The following MAPK10 variants were observed in gnomAD, a reference collection of about 807,000 sequenced individuals.
The protein encoded by MAPK10 is JNK3 alpha protein kinase.
In MAPK10, 25 loss-of-function variants were observed where a neutral mutation model predicts 59.3. That is an observed-to-expected ratio of 0.42 (90% CI 0.31 to 0.59). MAPK10 has a LOEUF of 0.59. MAPK10 is among the 20% of genes least tolerant of loss of function. The probability of loss-of-function intolerance (pLI) is 0.15; values close to 1 mark genes in which losing one functional copy is unlikely to be tolerated. For synonymous variants in MAPK10, 190 were observed against 200.5 expected (o/e 0.95, Z 0.44); for missense variants, 351 against 568.9 (o/e 0.62, Z 3.90).
At chr4:86,587,608 G>T (rs759599552) in intron 1 of MAPK10, among the ~76,000 whole-genome samples, 1 of 152,174 alleles carries the variant, frequency 6.6e-6, no homozygotes, top group Non-Finnish European at 1.5e-5. Flanking sequence ...AGCAAGAAAG[G>T]ATAATATGCT....
At chr4:86,172,051 A>G (rs368617143) in intron 3 of MAPK10, among the ~76,000 whole-genome samples, 2 of 139,234 alleles carry the variant, frequency 1.4e-5, no homozygotes, top group Non-Finnish European at 3.0e-5. Flanking sequence ...TTAGAATGGC[A>G]ATCATTAAAA....
rs560469174 is a variant in MAPK10 at position 86,425,071 on chromosome 4, T to C, written c.-122+27959A>G. 6.6e-5 allele frequency among the ~76,000 whole-genome samples: 10 copies of C among 152,050 alleles called. No individual in the cohort carries two copies. The East Asian group carries it at 1.7e-3, about 27-fold the overall frequency. ...GGAAGAAGTATAACCAGCAAGGAGA[T>C]AGAGGAGTGACAGAGGCAGAAAGGC... On this transcript the variant is annotated intron_variant, in intron 1 of 13. Coordinates refer to the MAPK10 transcript ENST00000361569.
intron 2 of MAPK10, among the ~76,000 whole-genome samples, chr4:86,325,051 G>C (rs2095991396): frequency 1.3e-5 from 2 of 152,264 alleles, no homozygotes; most frequent in Middle Eastern, 3.4e-3. Context: ...TTTCAATTTA[G>C]TTTCTAATTT....
At chr4:86,250,695 TA>T (rs1563594345) in intron 2 of MAPK10, among the ~76,000 whole-genome samples, 1 of 152,092 alleles carries the variant, frequency 6.6e-6, no homozygotes, top group Non-Finnish European at 1.5e-5. Context: ...TAAAAAAAAG[TA>T]AACCACATAG....
chr4:86,051,981 G>T (rs2043631835), intron 11 of MAPK10, among the ~76,000 whole-genome samples: 1 of 151,848 alleles, frequency 6.6e-6, no homozygotes, highest in African/African-American at 2.4e-5. Flanking sequence ...CATAAGAAAA[G>T]AACTAGCTAC....
intron 1 of MAPK10, among the ~76,000 whole-genome samples, chr4:86,447,860 T>C (rs1345142525): frequency 6.6e-6 from 1 of 152,218 alleles, no homozygotes; most frequent in Non-Finnish European, 1.5e-5. Context: ...TAATTCTTTC[T>C]TTTTTACACC....
intron 1 of MAPK10, chr4:86,429,938 T>C (rs1324914343): frequency 1.3e-5 from 2 of 152,144 alleles, no homozygotes; most frequent in Admixed American, 6.5e-5. Flanking sequence ...GATTCTCTAA[T>C]ACTGTAATAT....
intron 1 of MAPK10, among the ~76,000 whole-genome samples, chr4:86,468,105 C>T (rs1752366036): frequency 6.6e-6 from 1 of 152,200 alleles, no homozygotes; most frequent in African/African-American, 2.4e-5. Flanking sequence ...GGTCAGCCTA[C>T]AACTCCTCCT....
chr4:86,293,715 G>A (rs932053333), intron 2 of MAPK10, among the ~76,000 whole-genome samples: 4 of 152,112 alleles, frequency 2.6e-5, no homozygotes, highest in African/African-American at 9.7e-5. Context: ...GGCAAAGGGG[G>A]AGCAGGCGTT....
At chr4:86,290,851 A>G (rs1033223955) in intron 2 of MAPK10, among the ~76,000 whole-genome samples, 1 of 152,194 alleles carries the variant, frequency 6.6e-6, no homozygotes, top group African/African-American at 2.4e-5. Flanking sequence ...GTGAAAAACT[A>G]GTATGTAAAA....
intron 2 of MAPK10, among the ~76,000 whole-genome samples, chr4:86,203,438 C>A (rs552177582): frequency 6.6e-6 from 1 of 151,538 alleles, no homozygotes; most frequent in African/African-American, 2.4e-5. Context: ...AGAAGCTTCA[C>A]AAATGCAAAA....
intron 7 of MAPK10, among the ~76,000 whole-genome samples, chr4:86,101,677 C>G (rs2055423796): frequency 6.6e-6 from 1 of 152,144 alleles, no homozygotes; most frequent in South Asian, 2.1e-4. Context: ...TTCTAAGAAG[C>G]TGCATCTCAA....
upstream of MAPK10, among the ~76,000 whole-genome samples, chr4:86,457,186 C>T (rs567431943): frequency 6.6e-6 from 1 of 152,300 alleles, no homozygotes; most frequent in African/African-American, 2.4e-5. Context: ...CTATGACAAA[C>T]CCACAGCCAA....
intron 11 of MAPK10, among the ~76,000 whole-genome samples, chr4:86,056,168 C>T (rs1436527): frequency 0.44 from 64,952 of 149,166 alleles, 17,112 homozygotes; most frequent in African/African-American, 0.61. Flanking sequence ...TTATAACTCA[C>T]TTAAATCATG....
At chr4:86,561,473 A>G (rs1217487688) in intron 1 of MAPK10, among the ~76,000 whole-genome samples, 1 of 152,192 alleles carries the variant, frequency 6.6e-6, no homozygotes, top group Non-Finnish European at 1.5e-5. Context: ...ACTGAGAGCA[A>G]TTCTCCAAAA....
At chr4:86,244,249 C>T (rs958144163) in intron 2 of MAPK10, among the ~76,000 whole-genome samples, 7 of 151,932 alleles carry the variant, frequency 4.6e-5, no homozygotes, top group African/African-American at 7.3e-5. Flanking sequence ...TAGGCACTTA[C>T]GAAAACACTC....
chr4:86,419,969 A>C (rs1252251241), intron 1 of MAPK10, among the ~76,000 whole-genome samples: 1 of 152,242 alleles, frequency 6.6e-6, no homozygotes, highest in Non-Finnish European at 1.5e-5. Flanking sequence ...AAATAGATAC[A>C]TTCACTCATT....
chr4:86,539,425 A>G (rs955468800), intron 1 of MAPK10, among the ~76,000 whole-genome samples: 2 of 152,176 alleles, frequency 1.3e-5, no homozygotes, highest in Admixed American at 1.3e-4. Flanking sequence ...GGCAAAGCCA[A>G]TCAGAGGGAG....
At chr4:86,311,033 G>GTT (rs2095657681) in intron 2 of MAPK10, among the ~76,000 whole-genome samples, 1 of 90,224 alleles carries the variant, frequency 1.1e-5, no homozygotes, top group South Asian at 5.0e-4. Flanking sequence ...ACAGTTTTAA[G>GTT]TTACACACAC....
Sources: allele counts gnomAD v4.1 joint callset (sites outside exome capture counted in the v4.1 genomes callset), GRCh38; gene constraint gnomAD v4.1.1; transcripts MANE v1.5; gene names NCBI Gene and HGNC (gene_info 2026-07-23, HGNC 2026-07-21).